Variants in MAG observed in about 807,000 individuals in gnomAD.
The protein encoded by MAG is myelin associated glycoprotein.
A neutral mutation model predicts 60.7 loss-of-function variants in MAG; 30 were observed. The ratio of observed to expected loss-of-function variants is 0.49; its 90% CI spans 0.37 to 0.67. The LOEUF (loss-of-function observed/expected upper bound fraction) is 0.67. MAG is among the 30% of genes least tolerant of loss of function. The pLI, the probability that MAG is intolerant of heterozygous loss-of-function variation, is 0.00. For missense variants in MAG, 795 were observed against 851.7 expected (o/e 0.93, Z 0.83); for synonymous variants, 384 against 376.8 (o/e 1.02, Z -0.22).
At chr19:35,304,669 T>C (rs910461691) in intron 7 of MAG, among the ~76,000 whole-genome samples, 3 of 152,152 alleles carry the variant, frequency 2.0e-5, no homozygotes, top group African/African-American at 7.2e-5. Context: ...GCCTCCCAAC[T>C]AGCTGGGATT....
chr19:35,313,542 T>C lies in MAG; in HGVS notation c.*88T>C. The C allele has an allele frequency of 9.5e-6, 13 of 1,371,840 alleles. No homozygotes were observed. Among genetic ancestry groups the C allele is most frequent in the Admixed American group, 2.5e-5 (1 of 39,682 alleles). The allele number at this position is 1,371,840 out of a possible 1,614,324, so 85.0% of individuals were successfully genotyped here. A position where few individuals can be genotyped will look rare whatever the true frequency, so the allele number is the denominator to read the frequency against. On this transcript the variant is annotated 3_prime_UTR_variant, in exon 11 of 11. Transcript: ENST00000392213. ...GTGGGCTCCCTTCCTCCCAAAAGTATCGGGGGCTGGGGCAGGAGGGGAGTG... is the reference window on the plus strand; with the variant it reads ...GTGGGCTCCCTTCCTCCCAAAAGTACCGGGGGCTGGGGCAGGAGGGGAGTG...
intron 7 of MAG, among the ~76,000 whole-genome samples, chr19:35,306,199 A>AC (rs923281738): frequency 1.0e-4 from 12 of 118,556 alleles, no homozygotes; most frequent in African/African-American, 3.3e-4. Context: ...AGACTGTCCC[A>AC]CCCCCCCACT....
chr19:35,300,147 A>AC lies in MAG; in HGVS notation c.719dup (p.Val241GlyfsTer24), dbSNP rs770601245. ...AACCTCGCTGTGTCGCGGGCCTTAGACCCCCCGGTGATTGTGGAGATGAAC... is the reference window on the plus strand; with the variant it reads ...AACCTCGCTGTGTCGCGGGCCTTAGACCCCCCCGGTGATTGTGGAGATGAAC... On this transcript the variant is annotated frameshift_variant and splice_region_variant, in exon 6 of 11. Coordinates refer to ENST00000392213, the MANE Select transcript of MAG (RefSeq NM_002361.4). LOFTEE classifies it high-confidence loss of function. 7 of 1,526,312 alleles carry AC rather than the reference A, an allele frequency of 4.6e-6. No homozygotes were observed. The highest frequency in any genetic ancestry group is 6.2e-6 in the Non-Finnish European group (7 of 1,133,942). The allele number at this position is 1,526,312 out of a possible 1,614,324, so 94.5% of individuals were successfully genotyped here. A position where few individuals can be genotyped will look rare whatever the true frequency, so the allele number is the denominator to read the frequency against.
chr19:35,302,539 C>A lies in MAG; in HGVS notation c.1062C>A (p.Asp354Glu), dbSNP rs1210538890. Residue 354 changes from aspartate (D) to glutamate (E), a missense_variant, in exon 7 of 11, where the codon GAC becomes GAA. By Grantham distance (45) the Asp-to-Glu change is conservative. Coordinates refer to ENST00000392213, the MANE Select transcript of MAG (RefSeq NM_002361.4). ...TGTGCTCCACACAGAGCAACCCGGA[C>A]CCTATTCTCACCATCTTCAAGGAGA... ...SILCSTQSNP[D>E]PILTIFKEKQ... 6.2e-7 allele frequency: 1 copy of A among 1,614,192 alleles called. No homozygotes were observed. Among genetic ancestry groups the A allele is most frequent in the Non-Finnish European group, 8.5e-7 (1 of 1,180,044 alleles).
chr19:35,307,002 G>A (rs2145621033), intron 7 of MAG, among the ~76,000 whole-genome samples: 1 of 152,374 alleles, frequency 6.6e-6, no homozygotes, highest in South Asian at 2.1e-4. Flanking sequence ...TTCACAGGTT[G>A]TCTGAAAAGA....
At chr19:35,292,330 T>C (rs938876949) in intron 1 of MAG, 126 bp downstream of exon 1, 1 of 440,576 alleles carries the variant, frequency 2.3e-6, no homozygotes, top group African/African-American at 2.0e-5. Context: ...TGATTTAGGA[T>C]GCAGGAGTGT....
intron 7 of MAG, among the ~76,000 whole-genome samples, chr19:35,306,618 T>C (rs1436891162): frequency 2.6e-5 from 4 of 152,076 alleles, no homozygotes; most frequent in African/African-American, 4.8e-5. Context: ...TTTAATTTTT[T>C]GTAGAGATGG....
rs199750254 is a variant in MAG at position 35,295,779 on chromosome 19, G to A, written c.213G>A (p.Pro71=). 42 of 1,613,914 alleles carry A rather than the reference G, an allele frequency of 2.6e-5. No homozygotes were observed. Among genetic ancestry groups the A allele is most frequent in the South Asian group, 2.0e-4 (18 of 91,070 alleles). Residue 71 remains proline, a synonymous_variant, in exon 4 of 11, where the codon CCG becomes CCA. Coordinates refer to ENST00000392213, the MANE Select transcript of MAG (RefSeq NM_002361.4). This position sits in a 1 kb window ranked among gnomAD's most constrained non-coding sequence, Gnocchi z 5.8. ...FNSPYPKNYP[P]VVFKSRTQVV... ...GCCCCTACCCCAAGAACTACCCCCC[G>A]GTGGTCTTCAAGTCGCGCACCCAAG... is the stretch of plus-strand genomic sequence containing the variant.
chr19:35,310,171 G>A lies in MAG; in HGVS notation c.1519+10G>A, dbSNP rs777606448. On this transcript the variant is annotated intron_variant, in intron 8 of 10. Transcript: ENST00000392213. ...CCCTTCCAGGGAGCCCGTGAGTGGC[G>A]TGGACTTGGGGTGGGAGCCACAGGA... 5.6e-6 allele frequency: 9 copies of A among 1,596,934 alleles called. No homozygotes were observed. The East Asian group carries it at 6.7e-5, about 12-fold the overall frequency.
intron 5 of MAG, 136 bp downstream of exon 5, chr19:35,299,986 T>TG (rs1268403254): frequency 6.3e-5 from 7 of 111,816 alleles, no homozygotes; most frequent in Non-Finnish European, 8.6e-5. Flanking sequence ...AGGCAGGGAT[T>TG]GGGGGGTTGG....
chr19:35,306,932 C>T (rs1285471128), intron 7 of MAG, among the ~76,000 whole-genome samples: 1 of 152,242 alleles, frequency 6.6e-6, no homozygotes, highest in East Asian at 1.9e-4. Flanking sequence ...CCACAAACTC[C>T]TCATTCTTTG....
rs762596801 is a variant in MAG at position 35,299,562 on chromosome 19, A to G, written c.424A>G (p.Asn142Asp). ...TTCCCCGCCTCGTATAGACACCCCC[A>G]ACATCGTGGTGCCCCCAGAGGTGGT... ...HSVLDIVNTP[N>D]IVVPPEVVAG... The change falls in exon 5 of 11, where the codon AAC becomes GAC. Residue 142 changes from asparagine (N) to aspartate (D), a missense_variant. Transcript: ENST00000392213. The G allele has an allele frequency of 2.5e-6, 4 of 1,590,316 alleles. No individual in the cohort carries two copies. In the South Asian group the frequency reaches 3.4e-5, roughly 13 times the overall value.
At chr19:35,312,568 A>T (rs1451977159) in intron 10 of MAG, 3 of 580,480 alleles carry the variant, frequency 5.2e-6, no homozygotes, top group Non-Finnish European at 9.2e-6. Flanking sequence ...CGTGGGGGGA[A>T]CCCACATGTC....
chr19:35,297,472 CCA>C (rs201113486), intron 4 of MAG, among the ~76,000 whole-genome samples: 129 of 145,796 alleles, frequency 8.8e-4, no homozygotes, highest in Admixed American at 1.7e-3. Context: ...ACTGCACATG[CCA>C]CACACACACT....
intron 4 of MAG, among the ~76,000 whole-genome samples, chr19:35,298,574 C>CA (rs2066420875): frequency 6.6e-6 from 1 of 150,882 alleles, no homozygotes; most frequent in African/African-American, 2.4e-5. Context: ...ACCACACACA[C>CA]TACACCCTAC....
At chr19:35,312,209 G>T in intron 10 of MAG, 192 bp downstream of exon 10, 3 of 1,433,358 alleles carry the variant, frequency 2.1e-6, no homozygotes, top group Admixed American at 1.7e-5. Context: ...TGTAGGGGGC[G>T]ATGGGACGTG....
Position 35,292,212 on chromosome 19 carries a change from T to TGGTGGCA in MAG, c.-80+11_-80+17dup, listed in dbSNP as rs1435351864. 8.8e-6 allele frequency: 4 copies of TGGTGGCA among 455,564 alleles called. No homozygotes were observed. The highest frequency in any genetic ancestry group is 2.0e-5 in the African/African-American group (1 of 49,984). The allele number at this position is 455,564 out of a possible 1,614,324, so 28.2% of individuals were successfully genotyped here. A position where few individuals can be genotyped will look rare whatever the true frequency, so the allele number is the denominator to read the frequency against. On this transcript the variant is annotated intron_variant, in intron 1 of 10. Transcript: ENST00000392213. ...AGAAGCAACTGAGTCCAAGTGAGTA[T>TGGTGGCA]GGTGGCAGGGAGGCCAGGGCAAGGG...
intron 7 of MAG, among the ~76,000 whole-genome samples, chr19:35,305,354 T>C (rs1419996156): frequency 1.3e-5 from 2 of 152,330 alleles, no homozygotes; most frequent in South Asian, 2.1e-4. Context: ...GCACGGGGCA[T>C]GCAGGAAGTG....
In MAG at chr19:35,310,102, T is replaced by A. The variant is rs1438222836; in HGVS notation, c.1460T>A (p.Ile487Asn). 7 of 1,612,614 alleles carry A rather than the reference T, an allele frequency of 4.3e-6. No homozygotes were observed. The highest frequency in any genetic ancestry group is 5.9e-6 in the Non-Finnish European group (7 of 1,179,390). ...RGQAQAPPRV[I>N]CTARNLYGAK... is the part of the protein sequence containing the mutation. Reference sequence around the variant, plus strand: ...CAGGCCCAGGCCCCGCCCCGCGTCATCTGCACCGCGAGGAACCTCTATGGC... The same window carrying A: ...CAGGCCCAGGCCCCGCCCCGCGTCAACTGCACCGCGAGGAACCTCTATGGC... Residue 487 changes from isoleucine (I) to asparagine (N), a missense_variant, in exon 8 of 11, where the codon ATC becomes AAC. Physicochemically the swap from Ile to Asn is moderately radical, Grantham distance 149. Coordinates refer to ENST00000392213, the MANE Select transcript of MAG (RefSeq NM_002361.4).
Sources: gnomAD v4.1 joint callset for allele counts (sites outside exome capture counted in the v4.1 genomes callset) on GRCh38, gnomAD v4.1.1 for gene constraint, Gnocchi (gnomAD v3.1) non-coding constraint, MANE v1.5 for transcripts, NCBI Gene and HGNC (gene_info 2026-07-23, HGNC 2026-07-21) for gene names.